The following GPHN variants were observed in gnomAD, a reference collection of about 807,000 sequenced individuals.
The protein encoded by GPHN is gephyrin.
A neutral mutation model predicts 95.5 loss-of-function variants in GPHN; 17 were observed. The ratio of observed to expected loss-of-function variants is 0.18; its 90% CI spans 0.12 to 0.27. The LOEUF (loss-of-function observed/expected upper bound fraction) is 0.27. Among genes scored for constraint, GPHN ranks in the 10% least tolerant of loss-of-function variants. The pLI is 1.00. For synonymous variants in GPHN, 320 were observed against 322.5 expected (o/e 0.99, Z 0.08); for missense variants, 660 against 978.1 (o/e 0.67, Z 4.34).
Position 67,111,845 on chromosome 14 carries a change from C to CCGGT in GPHN, c.1414-13_1414-12insTCGG, listed in dbSNP as rs750716077. 4.4e-6 allele frequency: 7 copies of CCGGT among 1,604,378 alleles called. No homozygotes were observed. In the African/African-American group the frequency reaches 9.4e-5, roughly 21 times the overall value. ...AGAAATTCTGTTTGAAATTACATGACCGGCTGTTATTATAGGGCACTGAAG... is the reference window on the plus strand; with the variant it reads ...AGAAATTCTGTTTGAAATTACATGACCGGTCGGCTGTTATTATAGGGCACTGAAG... On this transcript the variant is annotated splice_polypyrimidine_tract_variant and intron_variant, in intron 14 of 22. Transcript: ENST00000478722.
At chr14:66,835,171 G>A (rs1430756850) in intron 4 of GPHN, among the ~76,000 whole-genome samples, 22 of 148,974 alleles carry the variant, frequency 1.5e-4, no homozygotes, top group Admixed American at 2.7e-4. Context: ...TCTTGCTAGC[G>A]GTCTATCAAT....
the GPHN span, among the ~76,000 whole-genome samples, chr14:67,701,024 CAAA>C: frequency 1.0e-4 from 7 of 67,422 alleles, no homozygotes; most frequent in African/African-American, 3.3e-4. Flanking sequence ...AATTTCATCT[CAAA>C]AAAAAAAAAA....
At chr14:67,323,595 C>T in the GPHN span, 2 of 276,114 alleles carry the variant, frequency 7.2e-6, no homozygotes, top group East Asian at 1.4e-4. Flanking sequence ...GCCTAGGCAA[C>T]AGAGCAAGTC....
the GPHN span, among the ~76,000 whole-genome samples, chr14:67,217,247 T>C: frequency 6.6e-6 from 1 of 152,194 alleles, no homozygotes; most frequent in Non-Finnish European, 1.5e-5. Flanking sequence ...TTGGTTTCCA[T>C]TTGCATCGAA....
chr14:67,423,145 T>A, the GPHN span, among the ~76,000 whole-genome samples: 16 of 152,074 alleles, frequency 1.1e-4, no homozygotes, highest in African/African-American at 3.4e-4. Flanking sequence ...GTTTTCCCCC[T>A]TTCTGCCCTG....
At chr14:67,568,292 C>G in the GPHN span, among the ~76,000 whole-genome samples, 6 of 152,216 alleles carry the variant, frequency 3.9e-5, no homozygotes, top group African/African-American at 1.4e-4. Flanking sequence ...ATGTCCTTTG[C>G]AGGGACATAA....
At chr14:67,146,591 T>C (rs79678918) in intron 18 of GPHN, among the ~76,000 whole-genome samples, 1,834 of 152,312 alleles carry the variant, frequency 0.012, 19 homozygotes, top group Non-Finnish European at 0.018. Context: ...CCACCCCTTA[T>C]GATCAAAGTA....
At chr14:67,692,622 G>A in the GPHN span, 1 of 1,521,758 alleles carries the variant, frequency 6.6e-7, no homozygotes, top group South Asian at 1.3e-5. Context: ...AAGAGAAATG[G>A]TCAGCTCTGT....
At chr14:67,439,582 T>TTTCTTTCTTTC in the GPHN span, among the ~76,000 whole-genome samples, 2 of 118,444 alleles carry the variant, frequency 1.7e-5, no homozygotes, top group African/African-American at 7.9e-5. Context: ...TCTTTCTTTC[T>TTTCTTTCTTTC]TTCTTTCTTT....
the GPHN span, among the ~76,000 whole-genome samples, chr14:67,542,670 A>G: frequency 6.6e-6 from 1 of 151,724 alleles, no homozygotes; most frequent in Non-Finnish European, 1.5e-5. Flanking sequence ...GTGGGAAGAT[A>G]ACATTCTATT....
chr14:67,576,483 T>C, the GPHN span: 2 of 1,589,380 alleles, frequency 1.3e-6, no homozygotes, highest in Non-Finnish European at 8.6e-7. This position sits in a 1 kb window ranked among gnomAD's most constrained non-coding sequence, Gnocchi z 4.0. Flanking sequence ...GGAAAACTGA[T>C]GGATGGTGAA....
the GPHN span, among the ~76,000 whole-genome samples, chr14:67,211,435 G>A: frequency 1.3e-5 from 2 of 152,044 alleles, no homozygotes; most frequent in Non-Finnish European, 2.9e-5. Context: ...GAGGAGAACT[G>A]GGGAAAAGAG....
the GPHN span, chr14:67,392,234 C>A: frequency 1.1e-6 from 1 of 870,842 alleles, no homozygotes. Context: ...TGCCCTCCAG[C>A]AGCCTCAGCC....
intron 1 of GPHN, among the ~76,000 whole-genome samples, chr14:66,549,737 A>ACATG (rs1208130890): frequency 1.3e-5 from 2 of 152,174 alleles, no homozygotes; most frequent in African/African-American, 4.8e-5. Flanking sequence ...GCTTCAAAGG[A>ACATG]CATGCTGAGT....
At chr14:66,545,762 G>T (rs1300885221) in intron 1 of GPHN, among the ~76,000 whole-genome samples, 1 of 141,570 alleles carries the variant, frequency 7.1e-6, no homozygotes, top group East Asian at 2.2e-4. Context: ...CCTCCCGGAC[G>T]GGGCAGCTGG....
At chr14:67,646,916 C>T in the GPHN span, 178 of 1,565,336 alleles carry the variant, frequency 1.1e-4, no homozygotes, top group Non-Finnish European at 1.5e-4. Context: ...TATATCTCAT[C>T]ACAGTTTTAT....
intron 2 of GPHN, among the ~76,000 whole-genome samples, chr14:66,723,982 T>TAC (rs369422536): frequency 0.075 from 10,691 of 142,952 alleles, 865 homozygotes; most frequent in East Asian, 0.34. Flanking sequence ...ATGTCATGCA[T>TAC]ACATACACAC....
At chr14:67,593,572 G>C in the GPHN span, 1 of 572,826 alleles carries the variant, frequency 1.7e-6, no homozygotes, top group South Asian at 2.3e-5. Flanking sequence ...AGATAAAGTT[G>C]AAATGCTAAT....
At chr14:67,300,336 C>CTTT in the GPHN span, among the ~76,000 whole-genome samples, 309 of 139,088 alleles carry the variant, frequency 2.2e-3, 11 homozygotes, top group African/African-American at 7.8e-3. Flanking sequence ...TATGAATTAC[C>CTTT]TTTTTTTTTT....
Sources: allele counts gnomAD v4.1 joint callset (sites outside exome capture counted in the v4.1 genomes callset), GRCh38; gene constraint gnomAD v4.1.1; non-coding constraint Gnocchi (gnomAD v3.1); transcripts MANE v1.5; gene names NCBI Gene and HGNC (gene_info 2026-07-23, HGNC 2026-07-21).